EPB41: variants seen among roughly 807,000 people sequenced by gnomAD.
The protein encoded by EPB41 is erythrocyte membrane protein band 4.1.
Under a neutral mutation model 108.0 loss-of-function variants are expected in EPB41, and 65 were observed. The observed-to-expected ratio is 0.60, with a 90% CI of 0.49 to 0.74. EPB41 has a LOEUF of 0.74. Among genes scored for constraint, EPB41 ranks in the 30% least tolerant of loss-of-function variants. EPB41 has a pLI of 0.00. For missense variants in EPB41, 875 were observed against 1,037.0 expected (o/e 0.84, Z 2.15); for synonymous variants, 336 against 358.9 (o/e 0.94, Z 0.72).
intron 11 of EPB41, among the ~76,000 whole-genome samples, chr1:29,040,933 C>T (rs1641254672): frequency 2.6e-5 from 4 of 151,892 alleles, no homozygotes; most frequent in African/African-American, 9.7e-5. Flanking sequence ...GCCAGAAGTT[C>T]GAGATCAGCC....
intron 1 of EPB41, among the ~76,000 whole-genome samples, chr1:28,894,881 T>C (rs374152914): frequency 2.6e-4 from 39 of 152,254 alleles, no homozygotes; most frequent in African/African-American, 9.4e-4. Context: ...CTTTCTGGCT[T>C]TTTTCTCCTA....
At chr1:28,900,298 T>TC (rs2091144966) in intron 1 of EPB41, among the ~76,000 whole-genome samples, 1 of 144,006 alleles carries the variant, frequency 6.9e-6, no homozygotes, top group Non-Finnish European at 1.5e-5. Context: ...TTCTTTTTTT[T>TC]TTTTTTTGAG....
At chr1:29,103,882 G>A (rs1324790215) in intron 17 of EPB41, among the ~76,000 whole-genome samples, 1 of 152,170 alleles carries the variant, frequency 6.6e-6, no homozygotes, top group Non-Finnish European at 1.5e-5. Flanking sequence ...GGTCAGGCTG[G>A]TTTCGAATGC....
intron 1 of EPB41, among the ~76,000 whole-genome samples, chr1:28,917,248 C>T (rs149932): frequency 2.7e-5 from 4 of 149,558 alleles, no homozygotes; most frequent in Non-Finnish European, 5.9e-5. Context: ...ATCTCTCTCT[C>T]TGTGTGTGTG....
intron 16 of EPB41, among the ~76,000 whole-genome samples, chr1:29,092,335 G>A (rs183338242): frequency 2.6e-5 from 4 of 151,784 alleles, no homozygotes; most frequent in African/African-American, 7.2e-5. Context: ...CAGGTGATCC[G>A]CCCACCTCAG....
At chr1:28,968,157 C>G (rs1238784051) in intron 1 of EPB41, among the ~76,000 whole-genome samples, 9 of 151,932 alleles carry the variant, frequency 5.9e-5, no homozygotes, top group African/African-American at 2.2e-4. Context: ...AAGAGATCGA[C>G]ACCATCCTGG....
At chr1:29,015,909 G>A (rs2096572102) in intron 6 of EPB41, 142 bp downstream of exon 6, 8 of 626,318 alleles carry the variant, frequency 1.3e-5, no homozygotes, top group Non-Finnish European at 2.0e-5. Context: ...AGGATTGAAA[G>A]TTTCTGGTCA....
chr1:28,890,828 C>T, intron 1 of EPB41: 1 of 832,390 alleles, frequency 1.2e-6, no homozygotes, highest in Non-Finnish European at 1.4e-6. Flanking sequence ...GGTTCAACTC[C>T]AAAGCCCAGA....
At chr1:29,088,343 G>A (rs889038957) in intron 16 of EPB41, among the ~76,000 whole-genome samples, 1 of 151,966 alleles carries the variant, frequency 6.6e-6, no homozygotes. Flanking sequence ...CCCTGCACCC[G>A]GCCAGCATCT....
chr1:29,089,853 T>G (rs1660557693), intron 16 of EPB41, among the ~76,000 whole-genome samples: 1 of 152,084 alleles, frequency 6.6e-6, no homozygotes, highest in South Asian at 2.1e-4. Context: ...AATAAGCACT[T>G]TAGCAGCATA....
intron 1 of EPB41, among the ~76,000 whole-genome samples, chr1:28,930,370 A>T (rs1304267092): frequency 6.6e-6 from 1 of 150,950 alleles, no homozygotes; most frequent in Non-Finnish European, 1.5e-5. Flanking sequence ...GTCTTGTCAT[A>T]TTGCCCAGGC....
At chr1:28,909,165 A>G (rs1487655957) in intron 1 of EPB41, among the ~76,000 whole-genome samples, 3 of 151,846 alleles carry the variant, frequency 2.0e-5, no homozygotes, top group African/African-American at 7.3e-5. Flanking sequence ...CTCAAAAAAA[A>G]AAAAAAAAAG....
intron 2 of EPB41, 48 bp downstream of exon 2, chr1:28,987,953 C>G (rs780729304): frequency 1.3e-6 from 2 of 1,584,612 alleles, no homozygotes; most frequent in Admixed American, 3.3e-5. Flanking sequence ...GCAGGTTATA[C>G]ACTTTATTTT....
chr1:28,987,750 G>T lies in EPB41; in HGVS notation c.313G>T (p.Asp105Tyr). Residue 105 changes from aspartate (D) to tyrosine (Y), a missense_variant, in exon 2 of 21, where the codon GAT (aspartate) becomes TAT (tyrosine). Physicochemically the swap from Asp to Tyr is radical, Grantham distance 160. Around this residue, in one of 3 missense-constraint regions of EPB41, gnomAD observed 353 missense variants for 393.2 expected, o/e 0.90. Transcript: ENST00000343067. ...GGAAGAAGGCAAAGAAGTAGAGTCA[G>T]ATAAAGAAAAAGGTGAAGGAGGTCA... ...SEEEGKEVES[D>Y]KEKGEGGQKE... is the part of the protein sequence containing the mutation. 1 of 1,614,164 alleles carries T rather than the reference G, an allele frequency of 6.2e-7. No homozygotes were observed. The highest frequency in any genetic ancestry group is 8.5e-7 in the Non-Finnish European group (1 of 1,180,048).
intron 1 of EPB41, among the ~76,000 whole-genome samples, chr1:28,982,010 G>A (rs561681463): frequency 6.6e-6 from 1 of 151,748 alleles, no homozygotes; most frequent in Non-Finnish European, 1.5e-5. Context: ...TCGTCATTTA[G>A]CATTAGGTAT....
chr1:29,027,807 A>G (rs180878077), intron 7 of EPB41, among the ~76,000 whole-genome samples: 101 of 152,114 alleles, frequency 6.6e-4, no homozygotes, highest in Non-Finnish European at 1.1e-3. Context: ...TTCAACTAAC[A>G]AGTTTTAAAG....
At chr1:28,889,843 C>T (rs1414880495) in intron 1 of EPB41, 29 of 985,212 alleles carry the variant, frequency 2.9e-5, no homozygotes, top group Middle Eastern at 1.0e-3. Flanking sequence ...GCACCATATA[C>T]AGGTCTGCCA....
rs1221443966 is a variant in EPB41, at chr1:29,058,662, C to G, written c.1902+17C>G. On this transcript the variant is annotated intron_variant, in intron 13 of 20. Transcript: ENST00000343067. ...CAAACACAGGTTTGTGCCAATAGGC[C>G]ACTTGTTCCTCTTTCCCTCCACCCC... is the stretch of plus-strand genomic sequence containing the variant. 2 of 1,611,410 alleles carry G rather than the reference C, an allele frequency of 1.2e-6. No homozygotes were observed. The highest frequency in any genetic ancestry group is 1.7e-6 in the Non-Finnish European group (2 of 1,178,350).
chr1:29,048,736 A>G (rs1166115493), intron 11 of EPB41, among the ~76,000 whole-genome samples: 1 of 152,224 alleles, frequency 6.6e-6, no homozygotes, highest in Non-Finnish European at 1.5e-5. Context: ...AGAGTAGAAT[A>G]AAAGTTAATA....
Sources: allele counts gnomAD v4.1 joint callset (sites outside exome capture counted in the v4.1 genomes callset), GRCh38; gene constraint gnomAD v4.1.1; regional missense constraint gnomAD v4.1.1; transcripts MANE v1.5; gene names NCBI Gene and HGNC (gene_info 2026-07-23, HGNC 2026-07-21).